Variants in EDC3 observed in about 807,000 individuals in gnomAD.
EDC3 encodes the protein enhancer of mRNA-decapping protein 3.
In EDC3, 20 loss-of-function variants were observed where a neutral mutation model predicts 41.8. That is an observed-to-expected ratio of 0.48 (90% CI 0.34 to 0.70). The LOEUF is 0.70. EDC3 is among the 30% of genes least tolerant of loss of function. The pLI, the probability that EDC3 is intolerant of heterozygous loss-of-function variation, is 0.01. For missense variants in EDC3, 444 were observed against 636.8 expected, an observed-to-expected ratio of 0.70 and a Z score of 3.26; for synonymous variants, 206 against 243.2, an observed-to-expected ratio of 0.85 and a Z score of 1.42.
At chr15:74,647,006 CCTT>C (rs2062426625) in intron 4 of EDC3, among the ~76,000 whole-genome samples, 2 of 148,950 alleles carry the variant, frequency 1.3e-5, no homozygotes, top group Admixed American at 1.3e-4. Flanking sequence ...CCTTTCCAGA[CCTT>C]TTTTTTTTTT....
rs1388702903 is a variant in EDC3 at position 74,635,518 on chromosome 15, A to C, written c.1083T>G (p.Asp361Glu). Residue 361 changes from aspartate (D) to glutamate (E), a missense_variant, in exon 6 of 7, where the codon GAT becomes GAG. Physicochemically the swap from Asp to Glu is conservative, Grantham distance 45 (BLOSUM62 2). Around this residue, in one of 3 missense-constraint regions of EDC3, gnomAD observed 242 missense variants for 363.8 expected, o/e 0.67. Coordinates refer to ENST00000315127, the MANE Select transcript of EDC3 (RefSeq NM_025083.5). ...TGGGCAGGAAAAGGATGACCTGGAC[A>C]TCATGGTTGGCTAGGTGCCTTCCAC... Reference protein sequence around the residue: ...ISCGRHLANHDVQVILFLPNF... With the variant: ...ISCGRHLANHEVQVILFLPNF... 1 of 1,614,160 alleles carries C rather than the reference A, an allele frequency of 6.2e-7. No individual in the cohort carries two copies. Among genetic ancestry groups the C allele is most frequent in the African/African-American group, 1.3e-5 (1 of 74,954 alleles).
Position 74,675,026 on chromosome 15 carries a change from C to T in EDC3, c.99G>A (p.Gln33=). The T allele has an allele frequency of 6.2e-7, 1 of 1,614,160 alleles. No individual in the cohort carries two copies. Among genetic ancestry groups the T allele is most frequent in the Non-Finnish European group, 8.5e-7 (1 of 1,180,046 alleles). The change falls in exon 2 of 7, where the codon CAG becomes CAA. Residue 33 remains glutamine (Q), a synonymous_variant. Coordinates refer to ENST00000315127, the MANE Select transcript of EDC3 (RefSeq NM_025083.5). ...GRVSAVDQVS[Q]TISLTRPFHN... is the part of the protein sequence containing the mutation. ...GGAAAGGCCGGGTGAGAGAAATGGTCTGGCTGACCTGATCCACAGCTGACA... is the reference window on the plus strand; with the variant it reads ...GGAAAGGCCGGGTGAGAGAAATGGTTTGGCTGACCTGATCCACAGCTGACA...
intron 1 of EDC3, among the ~76,000 whole-genome samples, chr15:74,685,082 A>T (rs1244848834): frequency 1.3e-5 from 2 of 152,010 alleles, no homozygotes; most frequent in Non-Finnish European, 2.9e-5. Flanking sequence ...TCACTATATG[A>T]ATTATCTTGT....
Position 74,675,014 on chromosome 15 carries a change from G to A in EDC3, c.111C>T (p.Leu37=), listed in dbSNP as rs780566357. 3.1e-6 allele frequency: 5 copies of A among 1,614,038 alleles called. No individual in the cohort carries two copies. The African/African-American group carries it at 5.3e-5, about 17-fold the overall frequency. ...TCACTCCATTATGGAAAGGCCGGGT[G>A]AGAGAAATGGTCTGGCTGACCTGAT... ...AVDQVSQTIS[L]TRPFHNGVKC... The change falls in exon 2 of 7, where the codon CTC becomes CTT. Residue 37 remains leucine, a synonymous_variant. Coordinates refer to ENST00000315127, the MANE Select transcript of EDC3 (RefSeq NM_025083.5).
intron 1 of EDC3, among the ~76,000 whole-genome samples, chr15:74,693,994 A>G (rs756104188): frequency 7.2e-5 from 11 of 152,184 alleles, no homozygotes; most frequent in African/African-American, 2.4e-4. Flanking sequence ...CTCAAAAAAA[A>G]AAACAAAAAC....
At chr15:74,687,797 A>G (rs1302729820) in intron 1 of EDC3, among the ~76,000 whole-genome samples, 1 of 152,244 alleles carries the variant, frequency 6.6e-6, no homozygotes, top group Non-Finnish European at 1.5e-5. Context: ...TCACAAAAGC[A>G]TGAGTTTCCT....
intron 3 of EDC3, among the ~76,000 whole-genome samples, chr15:74,662,238 A>G (rs2062628524): frequency 6.6e-6 from 1 of 152,142 alleles, no homozygotes; most frequent in Non-Finnish European, 1.5e-5. Context: ...CCACTGACCT[A>G]GCACTTATGC....
intron 6 of EDC3, among the ~76,000 whole-genome samples, chr15:74,633,877 G>A (rs2062240945): frequency 1.3e-5 from 2 of 152,122 alleles, no homozygotes; most frequent in South Asian, 4.1e-4. Flanking sequence ...TCCTTGCTTA[G>A]AATGTGCCAC....
chr15:74,675,662 C>T (rs2062797973), intron 1 of EDC3, among the ~76,000 whole-genome samples: 2 of 148,834 alleles, frequency 1.3e-5, no homozygotes. Flanking sequence ...GGGCAGATCA[C>T]GAGGTCACGA....
chr15:74,662,050 T>C (rs1431951009), intron 3 of EDC3, among the ~76,000 whole-genome samples: 7 of 152,236 alleles, frequency 4.6e-5, no homozygotes, highest in Admixed American at 1.3e-4. Context: ...TTACTTTTTA[T>C]GGCCACATAA....
intron 1 of EDC3, among the ~76,000 whole-genome samples, chr15:74,677,360 T>A (rs960269808): frequency 3.0e-5 from 4 of 133,960 alleles, no homozygotes; most frequent in Non-Finnish European, 6.4e-5. Flanking sequence ...ATGCCCAGCC[T>A]TTTTTTTTTT....
Position 74,631,715 on chromosome 15 carries a change from C to G in EDC3, c.*897G>C, listed in dbSNP as rs1026259053. On this transcript the variant is annotated 3_prime_UTR_variant, in exon 7 of 7. Transcript: ENST00000315127. ...GGCAAAGGGCTGGAGGAGTGGTGGC[C>G]TAGGACAGAAGCACCAGGAAGCCTC... 1.2e-4 allele frequency: 18 copies of G among 152,924 alleles called. No homozygotes were observed. Among genetic ancestry groups the G allele is most frequent in the African/African-American group, 4.3e-4 (18 of 41,392 alleles). 9.5% of individuals were successfully genotyped at this position (152,924 alleles called of 1,614,324 possible).
intron 4 of EDC3, among the ~76,000 whole-genome samples, chr15:74,646,539 G>C (rs1051982360): frequency 9.9e-5 from 15 of 152,204 alleles, no homozygotes; most frequent in African/African-American, 3.6e-4. Context: ...ACTATGCCTT[G>C]AAAGACAGGC....
chr15:74,670,554 A>G (rs569599068), intron 3 of EDC3, among the ~76,000 whole-genome samples: 1 of 152,062 alleles, frequency 6.6e-6, no homozygotes, highest in South Asian at 2.1e-4. Flanking sequence ...CTCAGCCTCC[A>G]AAGTAGCTGG....
Position 74,660,773 on chromosome 15 carries a change from T to C in EDC3, c.485-4705A>G, listed in dbSNP as rs528685355. 3.2e-4 allele frequency among the ~76,000 whole-genome samples: 49 copies of C among 152,252 alleles called. No individual in the cohort carries two copies. The East Asian group carries it at 8.9e-3, about 28-fold the overall frequency. On this transcript the variant is annotated intron_variant, in intron 3 of 6. Coordinates refer to ENST00000315127, the MANE Select transcript of EDC3 (RefSeq NM_025083.5). ...CAGGATGTAGGAAGAAGATACGGAA[T>C]ATTCTATTTATTTTTATTTTAACTA... is the stretch of plus-strand genomic sequence containing the variant.
intron 1 of EDC3, among the ~76,000 whole-genome samples, chr15:74,675,880 CA>C (rs57596845): frequency 0.3 from 34,570 of 116,466 alleles, 5,671 homozygotes; most frequent in African/African-American, 0.49. Context: ...GACTCTGCCT[CA>C]AAAAAAAAAA....
chr15:74,659,581 G>A (rs1204995805), intron 3 of EDC3, among the ~76,000 whole-genome samples: 1 of 150,664 alleles, frequency 6.6e-6, no homozygotes. Context: ...TAGAAATATG[G>A]ATGAGATGGG....
At chr15:74,643,079 A>G (rs1328414485) in intron 4 of EDC3, 2 of 152,234 alleles carry the variant, frequency 1.3e-5, no homozygotes, top group East Asian at 1.9e-4. Flanking sequence ...AAAGGAACGT[A>G]CAAACACCAC....
In EDC3 at chr15:74,653,559, C is replaced by T. The variant is rs150323709; in HGVS notation, c.820+2174G>A. 4.7e-4 allele frequency among the ~76,000 whole-genome samples: 71 copies of T among 152,256 alleles called. 1 individual carries two copies. Among genetic ancestry groups the T allele is most frequent in the African/African-American group, 1.6e-3 (65 of 41,538 alleles). ...TTCCACTCCTTGTCACTGTTAAGAA[C>T]AAAGAGAAAAACCAGATGGCATGAA... On this transcript the variant is annotated intron_variant, in intron 4 of 6. Transcript: ENST00000315127.
Sources: allele counts gnomAD v4.1 joint callset (sites outside exome capture counted in the v4.1 genomes callset), GRCh38; gene constraint gnomAD v4.1.1; regional missense constraint gnomAD v4.1.1; transcripts MANE v1.5; gene names NCBI Gene and HGNC (gene_info 2026-07-23, HGNC 2026-07-21).